CLSTN2: variants seen among roughly 807,000 people sequenced by gnomAD.
The protein encoded by CLSTN2 is calsyntenin-2.
Under a neutral mutation model 101.2 loss-of-function variants are expected in CLSTN2, and 48 were observed. The observed-to-expected ratio is 0.47, with a 90% CI of 0.38 to 0.60. The LOEUF (loss-of-function observed/expected upper bound fraction) is 0.60. CLSTN2 is among the 20% of genes least tolerant of loss of function. The pLI, the probability that CLSTN2 is intolerant of heterozygous loss-of-function variation, is 0.00. For missense variants in CLSTN2, 1,160 were observed against 1,238.2 expected, an observed-to-expected ratio of 0.94 and a Z score of 0.95; for synonymous variants, 481 against 463.6, an observed-to-expected ratio of 1.04 and a Z score of -0.48.
chr3:140,003,636 T>C (rs1005167034), intron 1 of CLSTN2, among the ~76,000 whole-genome samples: 2 of 152,172 alleles, frequency 1.3e-5, no homozygotes, highest in Admixed American at 6.5e-5. Context: ...TGTTTTTTTT[T>C]CCATTCAGTA....
At chr3:140,372,455 A>G (rs1200227707) in intron 2 of CLSTN2, among the ~76,000 whole-genome samples, 1 of 152,104 alleles carries the variant, frequency 6.6e-6, no homozygotes, top group Non-Finnish European at 1.5e-5. Flanking sequence ...ATGACTTGGG[A>G]TGAGCAAAGT....
chr3:140,305,026 AC>A, intron 2 of CLSTN2, among the ~76,000 whole-genome samples: 1 of 49,726 alleles, frequency 2.0e-5, no homozygotes, highest in Non-Finnish European at 6.0e-5. Context: ...ACACAGAGAC[AC>A]ACACACACAC....
chr3:140,197,068 T>C (rs75472523), intron 2 of CLSTN2, among the ~76,000 whole-genome samples: 2,665 of 152,320 alleles, frequency 0.017, 82 homozygotes, highest in African/African-American at 0.061. Context: ...AACAAACAAA[T>C]AGCATGTAGT....
At chr3:140,089,566 T>G (rs1467559504) in intron 1 of CLSTN2, among the ~76,000 whole-genome samples, 1 of 151,708 alleles carries the variant, frequency 6.6e-6, no homozygotes, top group African/African-American at 2.4e-5. Context: ...ATTTTGGTCT[T>G]CCTTTTCAGC....
At chr3:140,483,846 C>T (rs1271100737) in intron 8 of CLSTN2, among the ~76,000 whole-genome samples, 1 of 152,102 alleles carries the variant, frequency 6.6e-6, no homozygotes, top group Non-Finnish European at 1.5e-5. Context: ...TTATTTTGAG[C>T]CTATGTCTGT....
At chr3:140,196,468 A>G (rs1217171695) in intron 2 of CLSTN2, among the ~76,000 whole-genome samples, 1 of 152,236 alleles carries the variant, frequency 6.6e-6, no homozygotes, top group African/African-American at 2.4e-5. Context: ...GAGGAACCAG[A>G]GTGGAATGGG....
intron 1 of CLSTN2, among the ~76,000 whole-genome samples, chr3:140,094,202 C>T (rs1438804849): frequency 6.6e-6 from 1 of 152,160 alleles, no homozygotes; most frequent in African/African-American, 2.4e-5. Flanking sequence ...ATCTTCCCTG[C>T]TAAAAACATC....
intron 1 of CLSTN2, among the ~76,000 whole-genome samples, chr3:140,002,108 C>G (rs1490241562): frequency 1.3e-5 from 2 of 152,118 alleles, no homozygotes; most frequent in Non-Finnish European, 2.9e-5. Context: ...ATTGCTGGAT[C>G]ATATGGTAGC....
intron 2 of CLSTN2, among the ~76,000 whole-genome samples, chr3:140,217,286 G>A (rs947429599): frequency 2.0e-5 from 3 of 152,024 alleles, no homozygotes; most frequent in Non-Finnish European, 2.9e-5. Context: ...AAGCAATTTT[G>A]TGCCAAAGTT....
intron 1 of CLSTN2, among the ~76,000 whole-genome samples, chr3:140,133,025 A>T (rs564566148): frequency 1.3e-5 from 2 of 152,290 alleles, no homozygotes; most frequent in African/African-American, 4.8e-5. Context: ...TTTAAAAAAG[A>T]GGTTTATTTG....
chr3:140,008,176 T>C (rs1017111000), intron 1 of CLSTN2, among the ~76,000 whole-genome samples: 1 of 152,226 alleles, frequency 6.6e-6, no homozygotes, highest in African/African-American at 2.4e-5. Context: ...TGGGAGGTGA[T>C]GACATCTCTT....
chr3:140,257,013 G>A (rs1456794072), intron 2 of CLSTN2, among the ~76,000 whole-genome samples: 2 of 152,182 alleles, frequency 1.3e-5, no homozygotes, highest in Admixed American at 6.5e-5. Context: ...CATAGGCCGG[G>A]CGCGATGGCT....
chr3:140,064,216 C>T (rs907003624), intron 1 of CLSTN2, among the ~76,000 whole-genome samples: 6 of 152,212 alleles, frequency 3.9e-5, no homozygotes, highest in African/African-American at 1.4e-4. Context: ...AGACCTAAGA[C>T]AGGCCATCAA....
At chr3:140,293,434 C>A (rs2086972881) in intron 2 of CLSTN2, among the ~76,000 whole-genome samples, 1 of 152,142 alleles carries the variant, frequency 6.6e-6, no homozygotes. Context: ...ACAAGCCAGT[C>A]AGTGACAGGG....
intron 8 of CLSTN2, among the ~76,000 whole-genome samples, chr3:140,514,500 T>A (rs943570129): frequency 1.2e-4 from 19 of 152,192 alleles, no homozygotes; most frequent in Non-Finnish European, 1.6e-4. Context: ...TACATATACA[T>A]ATACTACAAT....
chr3:140,390,004 T>G (rs914382546), intron 2 of CLSTN2, among the ~76,000 whole-genome samples: 1 of 152,130 alleles, frequency 6.6e-6, no homozygotes, highest in Non-Finnish European at 1.5e-5. Context: ...AAATTATGTA[T>G]GATTAATGTT....
intron 8 of CLSTN2, among the ~76,000 whole-genome samples, chr3:140,523,402 C>T (rs1051521454): frequency 6.6e-6 from 1 of 152,090 alleles, no homozygotes; most frequent in Non-Finnish European, 1.5e-5. Context: ...TCAGTTTCAG[C>T]CCCCCAGTGC....
chr3:140,171,337 C>A (rs2010209464), intron 1 of CLSTN2, among the ~76,000 whole-genome samples: 1 of 152,010 alleles, frequency 6.6e-6, no homozygotes, highest in African/African-American at 2.4e-5. Context: ...GGGGCCAAGA[C>A]CTGAGAATAG....
chr3:140,008,970 A>G (rs1244788506), intron 1 of CLSTN2, among the ~76,000 whole-genome samples: 1 of 152,222 alleles, frequency 6.6e-6, no homozygotes, highest in African/African-American at 2.4e-5. Flanking sequence ...AGACTTTTTA[A>G]ATGTAATTTT....
Sources: allele counts gnomAD v4.1 joint callset (sites outside exome capture counted in the v4.1 genomes callset), GRCh38; gene constraint gnomAD v4.1.1; transcripts MANE v1.5; gene names NCBI Gene and HGNC (gene_info 2026-07-23, HGNC 2026-07-21).